WWOX: variants seen among roughly 807,000 people sequenced by gnomAD.
WWOX encodes the protein WW domain containing oxidoreductase, also known as WW domain-containing oxidoreductase.
WWOX carries 69 observed loss-of-function variants against 46.2 expected under a neutral mutation model. The observed-to-expected ratio is 1.49, with a 90% CI of 1.23 to 1.82. The LOEUF (loss-of-function observed/expected upper bound fraction) is 1.82, where lower values mean the gene tolerates loss of function less well. Ranked by LOEUF, WWOX falls within the 40% of genes most tolerant of loss-of-function variation. The pLI, the probability that WWOX is intolerant of heterozygous loss-of-function variation, is 0.00. For missense variants in WWOX, 919 were observed against 542.6 expected (o/e 1.69, Z -6.89); for synonymous variants, 359 against 202.6 (o/e 1.77, Z -6.56).
chr16:78,328,869 C>CTTCTT (rs761730900), intron 5 of WWOX, among the ~76,000 whole-genome samples: 2 of 151,084 alleles, frequency 1.3e-5, no homozygotes, highest in Admixed American at 6.6e-5. Flanking sequence ...TTTCTCTTCT[C>CTTCTT]TTCTTTTCTT....
chr16:78,428,513 G>C lies in WWOX; in HGVS notation c.791+3458G>C, dbSNP rs573526937. ...CAGAGAGAGTGCCTGATACGTAGCAGCTGGTACTTCTCCATCTTGAAACTG... is the reference window on the plus strand; with the variant it reads ...CAGAGAGAGTGCCTGATACGTAGCACCTGGTACTTCTCCATCTTGAAACTG... On this transcript the variant is annotated intron_variant, in intron 7 of 8. Coordinates refer to ENST00000566780, the MANE Select transcript of WWOX (RefSeq NM_016373.4). Among the ~76,000 whole-genome samples the C allele has an allele frequency of 3.3e-5, 5 of 152,350 alleles. No individual in the cohort carries two copies. In the East Asian group the frequency reaches 9.7e-4, roughly 29 times the overall value.
intron 8 of WWOX, among the ~76,000 whole-genome samples, chr16:79,030,390 C>T (rs1325018601): frequency 6.6e-6 from 1 of 152,198 alleles, no homozygotes; most frequent in African/African-American, 2.4e-5. Flanking sequence ...GACTACCCAG[C>T]ACTTCAGATA....
intron 6 of WWOX, among the ~76,000 whole-genome samples, chr16:78,387,681 C>G (rs931988461): frequency 2.0e-5 from 3 of 152,134 alleles, no homozygotes; most frequent in Admixed American, 6.5e-5. Flanking sequence ...AATTACAATA[C>G]TTTGTTTCCA....
Position 78,565,659 on chromosome 16 carries a change from A to T in WWOX, c.1056+132907A>T, listed in dbSNP as rs1264531629. ...GATGACAGAGTCACAAATTTGGGGA[A>T]TTAGTGTGTAGACTTCTCTTGTAGG... is the stretch of plus-strand genomic sequence containing the variant. On this transcript the variant is annotated intron_variant, in intron 8 of 8. Transcript: ENST00000566780. Among the ~76,000 whole-genome samples, 5 of 152,228 alleles carry T rather than the reference A, an allele frequency of 3.3e-5. No homozygotes were observed. In the East Asian group the frequency reaches 9.6e-4, roughly 29 times the overall value.
chr16:79,212,373 G>C lies in WWOX; in HGVS notation c.*577G>C, dbSNP rs116830872. 6 of 527,318 alleles carry C rather than the reference G, an allele frequency of 1.1e-5. No individual in the cohort carries two copies. In the South Asian group the frequency reaches 1.6e-4, roughly 14 times the overall value. 32.7% of individuals were successfully genotyped at this position (527,318 alleles called of 1,614,324 possible). Reference sequence around the variant, plus strand: ...GTGACACCCAGAGGGAGTAGAATACGCAGAACTACCAGGTGGCAAAGTACT... The same window carrying C: ...GTGACACCCAGAGGGAGTAGAATACCCAGAACTACCAGGTGGCAAAGTACT... On this transcript the variant is annotated 3_prime_UTR_variant, in exon 9 of 9. Coordinates refer to ENST00000566780, the MANE Select transcript of WWOX (RefSeq NM_016373.4).
intron 8 of WWOX, among the ~76,000 whole-genome samples, chr16:78,614,935 T>G (rs956294876): frequency 1.3e-5 from 2 of 152,212 alleles, no homozygotes; most frequent in African/African-American, 4.8e-5. Flanking sequence ...CATAGCTCTT[T>G]GTGATGCTTG....
intron 4 of WWOX, chr16:78,124,277 T>C (rs1456514329): frequency 6.6e-6 from 1 of 152,158 alleles, no homozygotes; most frequent in Non-Finnish European, 1.5e-5. Context: ...GTAAAGATAT[T>C]TTGGTTGTTC....
At chr16:78,172,681 T>G (rs1205885817) in intron 5 of WWOX, among the ~76,000 whole-genome samples, 1 of 152,132 alleles carries the variant, frequency 6.6e-6, no homozygotes, top group Non-Finnish European at 1.5e-5. Context: ...ATGAGGGCTG[T>G]GATTAACTGC....
chr16:78,919,057 C>T (rs1453147318), intron 8 of WWOX, among the ~76,000 whole-genome samples: 1 of 152,034 alleles, frequency 6.6e-6, no homozygotes, highest in African/African-American at 2.4e-5. Flanking sequence ...CAGCCGCTGC[C>T]AAGGGGGGCT....
intron 8 of WWOX, among the ~76,000 whole-genome samples, chr16:79,025,026 G>T (rs1435400603): frequency 1.3e-5 from 2 of 152,212 alleles, no homozygotes; most frequent in East Asian, 1.9e-4. Context: ...GCCAGGCCCA[G>T]TTGGGGAGGA....
At chr16:79,136,387 C>T (rs770057449) in intron 8 of WWOX, among the ~76,000 whole-genome samples, 29 of 152,088 alleles carry the variant, frequency 1.9e-4, no homozygotes, top group Non-Finnish European at 3.4e-4. Context: ...TGCACCATCA[C>T]ACCCAGCTAA....
intron 5 of WWOX, among the ~76,000 whole-genome samples, chr16:78,259,069 C>T (rs1848725426): frequency 6.6e-6 from 1 of 152,128 alleles, no homozygotes; most frequent in East Asian, 1.9e-4. Context: ...ATAAAAGAAG[C>T]ACCATTTTGA....
At chr16:78,748,005 C>A (rs947198878) in intron 8 of WWOX, among the ~76,000 whole-genome samples, 1 of 152,180 alleles carries the variant, frequency 6.6e-6, no homozygotes, top group Non-Finnish European at 1.5e-5. Context: ...ACTCCAAGTC[C>A]ATCTGCGCCG....
At chr16:78,470,877 C>T (rs1187969642) in intron 8 of WWOX, among the ~76,000 whole-genome samples, 1 of 152,186 alleles carries the variant, frequency 6.6e-6, no homozygotes, top group African/African-American at 2.4e-5. Flanking sequence ...CTTTGCCTAC[C>T]TTCTACTCTA....
chr16:78,844,113 AC>A (rs2052234886), intron 8 of WWOX, among the ~76,000 whole-genome samples: 1 of 152,120 alleles, frequency 6.6e-6, no homozygotes, highest in African/African-American at 2.4e-5. Context: ...TGCCTTGTAG[AC>A]CGATACTGTG....
At chr16:78,163,206 C>T (rs377035075) in intron 4 of WWOX, among the ~76,000 whole-genome samples, 5 of 152,230 alleles carry the variant, frequency 3.3e-5, no homozygotes, top group African/African-American at 9.6e-5. Context: ...TAATTTGAGA[C>T]TCTAGATAAT....
chr16:79,056,389 G>C (rs2048262954), intron 8 of WWOX, among the ~76,000 whole-genome samples: 1 of 152,230 alleles, frequency 6.6e-6, no homozygotes, highest in South Asian at 2.1e-4. Flanking sequence ...CCCATGTGCA[G>C]AGTAGTGTCG....
intron 8 of WWOX, among the ~76,000 whole-genome samples, chr16:78,625,231 G>C (rs937970463): frequency 1.3e-5 from 2 of 152,094 alleles, no homozygotes; most frequent in African/African-American, 4.8e-5. Flanking sequence ...TGGGGTCACC[G>C]GGGTCGCTGC....
chr16:78,912,980 A>G (rs2045151186), intron 8 of WWOX, among the ~76,000 whole-genome samples: 1 of 152,042 alleles, frequency 6.6e-6, no homozygotes, highest in Admixed American at 6.6e-5. Context: ...AGAACTCGGC[A>G]TCCCAGAAGG....
Sources: allele counts gnomAD v4.1 joint callset (sites outside exome capture counted in the v4.1 genomes callset), GRCh38; gene constraint gnomAD v4.1.1; transcripts MANE v1.5; gene names NCBI Gene and HGNC (gene_info 2026-07-23, HGNC 2026-07-21).